Variants in RAC2 observed in about 807,000 individuals in gnomAD.
RAC2 encodes the protein Rac family small GTPase 2, also known as ras-related C3 botulinum toxin substrate 2.
Under a neutral mutation model 24.0 loss-of-function variants are expected in RAC2, and 1 was observed. The observed-to-expected ratio is 0.04, with a 90% CI of 0.01 to 0.20. The LOEUF is 0.20. RAC2 is among the 10% of genes least tolerant of loss of function. The pLI is 1.00. For synonymous variants in RAC2, 114 were observed against 106.8 expected (o/e 1.07, Z -0.41); for missense variants, 130 against 259.1 (o/e 0.50, Z 3.42).
chr22:37,241,524 G>A (rs1927390668), intron 2 of RAC2, 63 bp downstream of exon 2: 1 of 1,521,930 alleles, frequency 6.6e-7, no homozygotes, highest in African/African-American at 1.4e-5. Context: ...GCCTGAAAGG[G>A]GGGTCGACTT....
Position 37,231,399 on chromosome 22 carries a change from GTGGGT to G in RAC2, c.289-14_289-10del, listed in dbSNP as rs759555563. On this transcript the variant is annotated splice_polypyrimidine_tract_variant and intron_variant, in intron 4 of 6. Transcript: ENST00000249071. This position sits in a 1 kb window ranked among gnomAD's most constrained non-coding sequence, Gnocchi z 5.5. ...CGCACTTCTGGGAACCACTGGGCAG[GTGGGT>G]GGGGGGACACAAGGTTGTATGGGTC... 6.2e-7 allele frequency: 1 copy of G among 1,613,990 alleles called. No homozygotes were observed. The highest frequency in any genetic ancestry group is 1.1e-5 in the South Asian group (1 of 91,086).
intron 5 of RAC2, 144 bp from the exon 6 acceptor site, chr22:37,226,947 T>G: frequency 1.2e-6 from 1 of 843,024 alleles, no homozygotes; most frequent in Non-Finnish European, 1.7e-6. Flanking sequence ...CACCCTCCCG[T>G]GCCATACACC....
intron 1 of RAC2, among the ~76,000 whole-genome samples, chr22:37,243,732 G>A (rs1423981845): frequency 6.6e-6 from 1 of 152,220 alleles, no homozygotes; most frequent in Non-Finnish European, 1.5e-5. Context: ...GACAGCCCAG[G>A]TCAGCCTGGG....
chr22:37,225,625 G>A lies in RAC2; in HGVS notation c.*417C>T, dbSNP rs1158128636. 1 of 152,254 alleles carries A rather than the reference G, an allele frequency of 6.6e-6. No individual in the cohort carries two copies. Among genetic ancestry groups the A allele is most frequent in the Non-Finnish European group, 1.5e-5 (1 of 68,068 alleles). The allele number at this position is 152,254 out of a possible 1,614,324, so 9.4% of individuals were successfully genotyped here. On this transcript the variant is annotated 3_prime_UTR_variant, in exon 7 of 7. Coordinates refer to ENST00000249071, the MANE Select transcript of RAC2 (RefSeq NM_002872.5). The stretch of plus-strand genomic sequence containing the variant: ...GATATTAGAGCAGCTGGCCTCAGGA[G>A]GGAGTAAGAGCCCCATCCCTGAAGG...
At chr22:37,235,761 C>T (rs867200762) in intron 2 of RAC2, among the ~76,000 whole-genome samples, 8 of 152,212 alleles carry the variant, frequency 5.3e-5, no homozygotes, top group Admixed American at 1.3e-4. Flanking sequence ...GACACTCTCT[C>T]CTCTAATGTC....
At chr22:37,234,099 T>TG (rs1927154090) in intron 2 of RAC2, among the ~76,000 whole-genome samples, 1 of 151,892 alleles carries the variant, frequency 6.6e-6, no homozygotes, top group African/African-American at 2.4e-5. Flanking sequence ...CAGATGCACT[T>TG]GCTAGGCACC....
chr22:37,232,690 C>A, intron 3 of RAC2, 111 bp downstream of exon 3: 1 of 881,322 alleles, frequency 1.1e-6, no homozygotes, highest in Non-Finnish European at 1.9e-6. Flanking sequence ...TGAGCTGGGC[C>A]TTAAGGGGAG....
At chr22:37,226,435 G>C (rs4821611) in intron 6 of RAC2, among the ~76,000 whole-genome samples, 2 of 151,928 alleles carry the variant, frequency 1.3e-5, no homozygotes, top group Admixed American at 1.3e-4. Flanking sequence ...TCCCTGGCCC[G>C]GGGGTGGGGG....
intron 5 of RAC2, among the ~76,000 whole-genome samples, chr22:37,228,660 A>G (rs982348008): frequency 4.6e-5 from 7 of 152,148 alleles, no homozygotes; most frequent in East Asian, 1.9e-4. Context: ...GTGAGTTCCC[A>G]TTTCACAGAC....
At position 37,225,707 on chromosome 22, in the gene RAC2, T is replaced by C. The variant is rs1468165653; in HGVS notation, c.*335A>G. The stretch of plus-strand genomic sequence containing the variant: ...GCAGTTTCCAGAGGGGAGTCAGGCG[T>C]GGGGTGGGACTGGAGTGAACGGGTA... On this transcript the variant is annotated 3_prime_UTR_variant, in exon 7 of 7. Transcript: ENST00000249071. The C allele has an allele frequency of 6.6e-6, 1 of 151,890 alleles. No individual in the cohort carries two copies. The highest frequency in any genetic ancestry group is 6.6e-5 in the Admixed American group (1 of 15,242). The allele number at this position is 151,890 out of a possible 1,614,324, so 9.4% of individuals were successfully genotyped here.
intron 2 of RAC2, 91 bp from the exon 3 acceptor site, chr22:37,233,009 T>C: frequency 1.0e-6 from 1 of 982,030 alleles, no homozygotes; most frequent in South Asian, 1.3e-5. Flanking sequence ...CCTCGGAGGC[T>C]GAGACCTAGA....
At chr22:37,232,471 C>G (rs56016773) in intron 3 of RAC2, 1 of 451,904 alleles carries the variant, frequency 2.2e-6, no homozygotes, top group East Asian at 4.6e-5. Context: ...TCCCCTCCCC[C>G]AGCACTCCCA....
In RAC2 at chr22:37,226,761, C is replaced by T. The variant is rs1246701804; in HGVS notation, c.491G>A (p.Gly164Asp). The change falls in exon 6 of 7, where the codon GGC becomes GAC. Residue 164 changes from glycine (G) to aspartate (D), a missense_variant. Coordinates refer to ENST00000249071, the MANE Select transcript of RAC2 (RefSeq NM_002872.5). Reference sequence around the variant, plus strand: ...GGCCTCGTCGAACACGGTTTTCAGGCCTCTCTGGGTGAGAGCTGAGCACTC... The same window carrying T: ...GGCCTCGTCGAACACGGTTTTCAGGTCTCTCTGGGTGAGAGCTGAGCACTC... ...YLECSALTQRGLKTVFDEAIR... is the reference protein window; with the variant it reads ...YLECSALTQRDLKTVFDEAIR... The T allele has an allele frequency of 1.2e-6, 2 of 1,613,146 alleles. No homozygotes were observed.
intron 2 of RAC2, among the ~76,000 whole-genome samples, chr22:37,239,132 G>T (rs1927319123): frequency 6.6e-6 from 1 of 152,084 alleles, no homozygotes; most frequent in African/African-American, 2.4e-5. Context: ...CCCTTCACAG[G>T]GGCACAGGCA....
intron 2 of RAC2, 88 bp from the exon 3 acceptor site, chr22:37,233,006 G>T: frequency 1.0e-6 from 1 of 996,196 alleles, no homozygotes; most frequent in South Asian, 1.3e-5. Context: ...ATTCCTCGGA[G>T]GCTGAGACCT....
intron 5 of RAC2, among the ~76,000 whole-genome samples, chr22:37,228,369 C>T (rs1358223199): frequency 1.3e-5 from 2 of 152,220 alleles, no homozygotes; most frequent in African/African-American, 2.4e-5. Context: ...CCAGGGACGG[C>T]GTTCCATGAC....
chr22:37,231,902 A>G lies in RAC2; in HGVS notation c.288+30T>C. 1.3e-6 allele frequency: 2 copies of G among 1,550,670 alleles called. No individual in the cohort carries two copies. The highest frequency in any genetic ancestry group is 1.7e-6 in the Non-Finnish European group (2 of 1,146,304). On this transcript the variant is annotated intron_variant, in intron 4 of 6. Transcript: ENST00000249071. The surrounding 1 kb of genome is among the most constrained non-coding windows in gnomAD (Gnocchi z 5.5). ...TGTCCCTCAGGGTTACCTGCCCCAGAGCCCCCAAGGCCCACCCTGTCCAGC... is the reference window on the plus strand; with the variant it reads ...TGTCCCTCAGGGTTACCTGCCCCAGGGCCCCCAAGGCCCACCCTGTCCAGC...
chr22:37,243,397 GCCTGCCCCTCC>G (rs1488413518), intron 1 of RAC2, among the ~76,000 whole-genome samples: 1 of 151,996 alleles, frequency 6.6e-6, no homozygotes, highest in African/African-American at 2.4e-5. Context: ...TCTCAGCCCA[GCCTGCCCCTCC>G]CCTGCCGACC....
intron 3 of RAC2, chr22:37,232,507 TG>T: frequency 2.1e-6 from 1 of 487,206 alleles, no homozygotes; most frequent in Non-Finnish European, 3.8e-6. Flanking sequence ...GGCTGCCTCC[TG>T]GGGCCCTGTG....
Sources: gnomAD v4.1 joint callset for allele counts (sites outside exome capture counted in the v4.1 genomes callset) on GRCh38, gnomAD v4.1.1 for gene constraint, Gnocchi (gnomAD v3.1) non-coding constraint, MANE v1.5 for transcripts, NCBI Gene and HGNC (gene_info 2026-07-23, HGNC 2026-07-21) for gene names.